Variants in PGD observed in about 807,000 individuals in gnomAD.
The protein encoded by PGD is phosphogluconate dehydrogenase.
PGD carries 21 observed loss-of-function variants against 60.4 expected under a neutral mutation model. That is an observed-to-expected ratio of 0.35 (90% confidence interval 0.25 to 0.50). The LOEUF (loss-of-function observed/expected upper bound fraction) is 0.50. Among genes scored for constraint, PGD ranks in the 20% least tolerant of loss-of-function variants. The probability of loss-of-function intolerance (pLI) is 0.98; values close to 1 mark genes in which losing one functional copy is unlikely to be tolerated. For synonymous variants in PGD, 230 were observed against 235.9 expected, an observed-to-expected ratio of 0.97 and a Z score of 0.23; for missense variants, 477 against 613.1, an observed-to-expected ratio of 0.78 and a Z score of 2.34.
intron 6 of PGD, among the ~76,000 whole-genome samples, chr1:10,411,083 TG>T (rs903707890): frequency 2.7e-5 from 4 of 150,188 alleles, no homozygotes; most frequent in African/African-American, 7.4e-5. Context: ...TTCTTGTGGG[TG>T]GGGGCTGGGA....
chr1:10,412,604 A>G (rs1026616408), intron 7 of PGD, among the ~76,000 whole-genome samples: 2 of 152,234 alleles, frequency 1.3e-5, no homozygotes, highest in East Asian at 3.8e-4. Context: ...GTGCTTTACT[A>G]TATGCCAAGC....
chr1:10,402,586 G>A (rs1639334135), intron 3 of PGD, among the ~76,000 whole-genome samples: 2 of 150,966 alleles, frequency 1.3e-5, no homozygotes, highest in African/African-American at 2.4e-5. Context: ...GCAGTGTTGC[G>A]ATCTCAGCTC....
intron 12 of PGD, 45 bp from the exon 13 acceptor site, chr1:10,419,585 G>A (rs201057812): frequency 2.2e-5 from 36 of 1,613,962 alleles, no homozygotes; most frequent in South Asian, 3.3e-5. Flanking sequence ...CCTCGGGGGC[G>A]TGCGCCATGG....
At chr1:10,403,026 T>C in intron 3 of PGD, 45 bp from the exon 4 acceptor site, 1 of 1,180,044 alleles carries the variant, frequency 8.5e-7, no homozygotes, top group Non-Finnish European at 1.3e-6. Flanking sequence ...TTTGCCAAGG[T>C]ATGTTTCATT....
At chr1:10,411,343 A>G (rs1297488302) in intron 6 of PGD, 75 bp from the exon 7 acceptor site, 10 of 1,560,216 alleles carry the variant, frequency 6.4e-6, no homozygotes, top group Admixed American at 3.5e-5. Context: ...GGATGTTGGC[A>G]TGAAAGCTGA....
intron 10 of PGD, among the ~76,000 whole-genome samples, chr1:10,418,618 T>A (rs896803366): frequency 2.6e-5 from 4 of 151,776 alleles, no homozygotes; most frequent in Admixed American, 1.3e-4. Context: ...CTACTAAAAA[T>A]ACAAAAATTA....
chr1:10,413,206 ACCGCCATCT>A lies in PGD; in HGVS notation c.805_813del (p.Ile269_Ala271del), dbSNP rs1557764162. 1 of 1,614,182 alleles carries A rather than the reference ACCGCCATCT, an allele frequency of 6.2e-7. No individual in the cohort carries two copies. The highest frequency in any genetic ancestry group is 8.5e-7 in the Non-Finnish European group (1 of 1,180,030). On this transcript the variant is annotated inframe_deletion, in exon 8 of 13. Coordinates refer to ENST00000270776, the MANE Select transcript of PGD (RefSeq NM_002631.4). ...GGGGCAGAAGGGCACAGGGAAGTGG[ACCGCCATCT>A]CCGCCCTGGAATACGGCGTACCCGT...
At position 10,419,763 on chromosome 1, in the gene PGD, G is replaced by A. The variant is rs199902976; in HGVS notation, c.*14G>A. The A allele has an allele frequency of 6.2e-7, 1 of 1,613,982 alleles. No homozygotes were observed. Among genetic ancestry groups the A allele is most frequent in the African/African-American group, 1.3e-5 (1 of 74,936 alleles). On this transcript the variant is annotated 3_prime_UTR_variant, in exon 13 of 13. Transcript: ENST00000270776. The stretch of plus-strand genomic sequence containing the variant: ...TACAATGCCTGATCATGCTGCTCCT[G>A]TCACCCTCCACGATTCCACAGACCA...
intron 10 of PGD, 50 bp from the exon 11 acceptor site, chr1:10,418,773 CAAA>C (rs370777082): frequency 6.4e-3 from 4,937 of 773,736 alleles, no homozygotes; most frequent in Middle Eastern, 7.2e-3. Context: ...GACTCCGTCT[CAAA>C]AAAAAAAAAA....
intron 11 of PGD, 94 bp downstream of exon 11, chr1:10,419,019 GT>G (rs1401661740): frequency 1.1e-5 from 8 of 756,076 alleles, no homozygotes; most frequent in Admixed American, 2.3e-5. Context: ...TTGGTTTTTT[GT>G]TTTTTTGAGA....
At position 10,418,383 on chromosome 1, in the gene PGD, A is replaced by G. The variant is rs563598671; in HGVS notation, c.1110-443A>G. Among the ~76,000 whole-genome samples the G allele has an allele frequency of 4.5e-4, 68 of 152,284 alleles. 1 individual carries two copies. Among genetic ancestry groups the G allele is most frequent in the African/African-American group, 1.4e-3 (58 of 41,568 alleles). ...TGGCAGCGAGCTGCACTTTTTTTCT[A>G]AACAGGAAAAGGGTTAACAGCTTGA... On this transcript the variant is annotated intron_variant, in intron 10 of 12. Coordinates refer to ENST00000270776, the MANE Select transcript of PGD (RefSeq NM_002631.4).
chr1:10,402,206 C>A (rs1054044388), intron 3 of PGD, among the ~76,000 whole-genome samples: 1 of 152,080 alleles, frequency 6.6e-6, no homozygotes, highest in Non-Finnish European at 1.5e-5. Context: ...CCACTCTCTT[C>A]TAGACACATT....
chr1:10,401,119 C>T (rs1639308451), intron 3 of PGD, among the ~76,000 whole-genome samples: 1 of 152,032 alleles, frequency 6.6e-6, no homozygotes, highest in Non-Finnish European at 1.5e-5. Flanking sequence ...GAATGAGAAT[C>T]ACTTGAACCT....
At chr1:10,411,336 T>C (rs41274478) in intron 6 of PGD, 82 bp from the exon 7 acceptor site, 36,761 of 1,500,126 alleles carry the variant, frequency 0.025, 557 homozygotes, top group Non-Finnish European at 0.028. Context: ...TTGCCAGGGA[T>C]GTTGGCATGA....
intron 5 of PGD, 91 bp downstream of exon 5, chr1:10,404,370 CTG>C (rs1350771878): frequency 1.0e-5 from 7 of 672,414 alleles, no homozygotes; most frequent in African/African-American, 3.7e-5. Context: ...ACCCTGATCT[CTG>C]TGGTGCCCTG....
rs1639263351 is a variant in PGD, at chr1:10,399,116, C to T, written c.-2C>T. The T allele has an allele frequency of 6.2e-7, 1 of 1,609,822 alleles. No homozygotes were observed. The highest frequency in any genetic ancestry group is 8.5e-7 in the Non-Finnish European group (1 of 1,179,712). On this transcript the variant is annotated 5_prime_UTR_variant, in exon 1 of 13. Coordinates refer to ENST00000270776, the MANE Select transcript of PGD (RefSeq NM_002631.4). ...CTCTTCGGTTCTGCTCTGTCCGCCG[C>T]CATGGCCCAGTGAGTGACTCGCCAG...
At chr1:10,409,782 T>G (rs1639468498) in intron 6 of PGD, among the ~76,000 whole-genome samples, 1 of 150,606 alleles carries the variant, frequency 6.6e-6, no homozygotes, top group African/African-American at 2.4e-5. Context: ...CAGCCTCCAT[T>G]GTAGCTGGGA....
intron 6 of PGD, 99 bp from the exon 7 acceptor site, chr1:10,411,319 G>A (rs1639494605): frequency 7.4e-7 from 1 of 1,351,116 alleles, no homozygotes; most frequent in Non-Finnish European, 1.0e-6. Context: ...TGTGTGGAGA[G>A]GTAGCCTTGC....
chr1:10,399,585 G>T (rs760093894), intron 1 of PGD, 44 bp from the exon 2 acceptor site: 10 of 1,559,142 alleles, frequency 6.4e-6, no homozygotes, highest in South Asian at 1.1e-5. Flanking sequence ...GCAGCGCGTC[G>T]AGCGGTGCTG....
Sources: gnomAD v4.1 joint callset for allele counts (sites outside exome capture counted in the v4.1 genomes callset) on GRCh38, gnomAD v4.1.1 for gene constraint, MANE v1.5 for transcripts, NCBI Gene and HGNC (gene_info 2026-07-23, HGNC 2026-07-21) for gene names.